Variants in NDUFA10 observed in about 807,000 individuals in gnomAD.
NDUFA10 encodes the protein NADH:ubiquinone oxidoreductase subunit A10, also known as NADH dehydrogenase [ubiquinone] 1 alpha subcomplex subunit 10, mitochondrial.
NDUFA10 carries 40 observed loss-of-function variants against 47.8 expected under a neutral mutation model. The observed-to-expected ratio is 0.84, with a 90% CI of 0.65 to 1.09. NDUFA10 has a LOEUF of 1.09. Ranked by LOEUF, NDUFA10 falls within the 50% of genes least tolerant of loss-of-function variation. NDUFA10 has a pLI of 0.00. For missense variants in NDUFA10, 413 were observed against 451.1 expected (o/e 0.92, Z 0.76); for synonymous variants, 183 against 172.2 (o/e 1.06, Z -0.49).
intron 4 of NDUFA10, among the ~76,000 whole-genome samples, chr2:239,913,321 C>T (rs1693786508): frequency 6.6e-6 from 1 of 152,228 alleles, no homozygotes; most frequent in Non-Finnish European, 1.5e-5. Context: ...GGACGCTGGC[C>T]TAGGCGCACC....
rs202004542 is a variant in NDUFA10, at chr2:240,011,692, T to C, written c.674A>G (p.His225Arg). 10 of 1,612,010 alleles carry C rather than the reference T, an allele frequency of 6.2e-6. No homozygotes were observed. Among genetic ancestry groups the C allele is most frequent in the African/African-American group, 5.3e-5 (4 of 74,902 alleles). ...QRRIQKKGDPHEMKITSAYLQ... is the reference protein window; with the variant it reads ...QRRIQKKGDPREMKITSAYLQ... ...ATAGGCAGAGGTGATCTTCATTTCATGTGGCTAAACAGAAGCAGAAAAATC... is the reference window on the plus strand; with the variant it reads ...ATAGGCAGAGGTGATCTTCATTTCACGTGGCTAAACAGAAGCAGAAAAATC... The change falls in exon 6 of 10, where the codon CAT (histidine) becomes CGT (arginine). Residue 225 changes from histidine to arginine, a missense_variant. Coordinates refer to ENST00000252711, the MANE Select transcript of NDUFA10 (RefSeq NM_004544.4).
chr2:240,021,982 T>G (rs138514248), intron 2 of NDUFA10, among the ~76,000 whole-genome samples, 190 bp downstream of exon 2: 1 of 152,282 alleles, frequency 6.6e-6, no homozygotes, highest in African/African-American at 2.4e-5. Flanking sequence ...ACATAAAAGA[T>G]TAAAAACAGC....
chr2:240,021,114 C>T (rs1469207688), intron 3 of NDUFA10, 83 bp downstream of exon 3: 13 of 1,186,232 alleles, frequency 1.1e-5, no homozygotes, highest in Non-Finnish European at 1.6e-5. Flanking sequence ...AAGGAAAGCT[C>T]GACTCAGTGG....
chr2:239,908,646 G>C (rs748871795), intron 4 of NDUFA10, among the ~76,000 whole-genome samples: 3 of 152,204 alleles, frequency 2.0e-5, no homozygotes, highest in Non-Finnish European at 4.4e-5. Flanking sequence ...CCACCAATGC[G>C]CTGTTAGGAA....
intron 3 of NDUFA10, among the ~76,000 whole-genome samples, chr2:240,019,899 AGCTCCTGGATTG>A (rs1697549195): frequency 1.3e-5 from 2 of 152,104 alleles, no homozygotes; most frequent in African/African-American, 4.8e-5. Flanking sequence ...CTACGACATC[AGCTCCTGGATTG>A]GCTCCTGGTA....
chr2:239,951,841 T>G (rs1408617607), intron 4 of NDUFA10, among the ~76,000 whole-genome samples: 1 of 152,250 alleles, frequency 6.6e-6, no homozygotes, highest in Non-Finnish European at 1.5e-5. Flanking sequence ...CACCGAGGCC[T>G]CCGGCCTGGC....
chr2:239,906,095 C>A lies in NDUFA10; in HGVS notation c.295-10781G>T, dbSNP rs569225566. Reference sequence around the variant, plus strand: ...TCAGGGGACCTTGAAGCAGCCCTGGCCACAGATGTGTGCTGAGCTCATGAC... The same window carrying A: ...TCAGGGGACCTTGAAGCAGCCCTGGACACAGATGTGTGCTGAGCTCATGAC... On this transcript the variant is annotated intron_variant, in intron 4 of 5. Coordinates refer to the NDUFA10 transcript ENST00000419408. This position sits in a 1 kb window ranked among gnomAD's most constrained non-coding sequence, Gnocchi z 4.3. Among the ~76,000 whole-genome samples, 50 of 152,230 alleles carry A rather than the reference C, an allele frequency of 3.3e-4. No homozygotes were observed. Among genetic ancestry groups the A allele is most frequent in the Non-Finnish European group, 6.3e-4 (43 of 67,998 alleles).
At chr2:239,930,120 C>T (rs577575475) in intron 4 of NDUFA10, among the ~76,000 whole-genome samples, 16 of 138,174 alleles carry the variant, frequency 1.2e-4, no homozygotes, top group African/African-American at 3.0e-4. Flanking sequence ...CCTGCTCCTC[C>T]ACCAGTCCTG....
At chr2:239,983,866 C>T (rs538568392) in intron 9 of NDUFA10, 13 of 1,355,612 alleles carry the variant, frequency 9.6e-6, no homozygotes, top group East Asian at 5.1e-5. Flanking sequence ...ATATTCTAGA[C>T]GGGGTATTGG....
chr2:239,917,661 A>G (rs1224304867), intron 4 of NDUFA10, among the ~76,000 whole-genome samples: 1 of 152,242 alleles, frequency 6.6e-6, no homozygotes, highest in Non-Finnish European at 1.5e-5. Flanking sequence ...TTGCCTCTGT[A>G]TCCTTGCTTC....
intron 4 of NDUFA10, among the ~76,000 whole-genome samples, chr2:239,949,143 A>G (rs1288091326): frequency 6.6e-6 from 1 of 152,256 alleles, no homozygotes. Context: ...ATTTTAAGGT[A>G]AAATCAAAGC....
At chr2:239,993,230 A>C (rs928913183) in intron 8 of NDUFA10, among the ~76,000 whole-genome samples, 2 of 152,244 alleles carry the variant, frequency 1.3e-5, no homozygotes, top group Non-Finnish European at 2.9e-5. Context: ...TGTGTTTAGA[A>C]AATGACACTG....
At chr2:239,898,799 CAGA>C (rs1255589064) in intron 4 of NDUFA10, among the ~76,000 whole-genome samples, 2 of 152,366 alleles carry the variant, frequency 1.3e-5, no homozygotes, top group Non-Finnish European at 1.5e-5. Context: ...GCAAGGACCA[CAGA>C]AGAATAACTG....
Position 239,906,309 on chromosome 2 carries a change from T to C in NDUFA10, c.295-10995A>G, listed in dbSNP as rs1205034063. Among the ~76,000 whole-genome samples the C allele has an allele frequency of 1.3e-5, 2 of 152,194 alleles. No homozygotes were observed. Among genetic ancestry groups the C allele is most frequent in the Non-Finnish European group, 2.9e-5 (2 of 68,032 alleles). ...CAAAACTGCGGCTTCAGTTGTGCCT[T>C]GCTGACTGTCTAGGCACTGACCACG... On this transcript the variant is annotated intron_variant, in intron 4 of 5. Coordinates refer to the NDUFA10 transcript ENST00000419408. The surrounding 1 kb of genome is among the most constrained non-coding windows in gnomAD (Gnocchi z 4.3).
At chr2:239,963,542 G>T (rs966021810) in intron 9 of NDUFA10, among the ~76,000 whole-genome samples, 1 of 152,356 alleles carries the variant, frequency 6.6e-6, no homozygotes. Context: ...GCCTCAAAGG[G>T]CCTGACGGGG....
At chr2:239,980,022 C>G (rs543549279) in intron 9 of NDUFA10, among the ~76,000 whole-genome samples, 43 of 152,282 alleles carry the variant, frequency 2.8e-4, no homozygotes, top group Non-Finnish European at 4.6e-4. Context: ...CTCCCCTACA[C>G]CCCCACATCC....
At chr2:239,961,221 A>G in intron 9 of NDUFA10, 35 bp from the exon 10 acceptor site, 1 of 1,613,998 alleles carries the variant, frequency 6.2e-7, no homozygotes. Context: ...CATTCTGTTT[A>G]ACGTGAATGA....
At chr2:239,930,391 G>C (rs1694146817) in intron 4 of NDUFA10, among the ~76,000 whole-genome samples, 1 of 151,978 alleles carries the variant, frequency 6.6e-6, no homozygotes, top group Admixed American at 6.6e-5. Context: ...TCATCTCCCA[G>C]GATGCCCTCC....
chr2:239,922,097 C>T (rs1284485580), intron 4 of NDUFA10, among the ~76,000 whole-genome samples: 1 of 55,898 alleles, frequency 1.8e-5, no homozygotes, highest in Non-Finnish European at 3.2e-5. Flanking sequence ...TTCCTTCCTT[C>T]CTCCCTTCCT....
Sources: allele counts gnomAD v4.1 joint callset (sites outside exome capture counted in the v4.1 genomes callset), GRCh38; gene constraint gnomAD v4.1.1; non-coding constraint Gnocchi (gnomAD v3.1); transcripts MANE v1.5; gene names NCBI Gene and HGNC (gene_info 2026-07-23, HGNC 2026-07-21).